Variants in LRRC4C observed in about 807,000 individuals in gnomAD.
The protein encoded by LRRC4C is leucine-rich repeat-containing protein 4C.
Under a neutral mutation model 33.6 loss-of-function variants are expected in LRRC4C, and 5 were observed. The observed-to-expected ratio is 0.15, with a 90% CI of 0.08 to 0.31. The LOEUF is 0.31. LRRC4C is among the 10% of genes least tolerant of loss of function. LRRC4C has a pLI of 1.00. For synonymous variants in LRRC4C, 329 were observed against 302.0 expected (o/e 1.09, Z -0.93); for missense variants, 560 against 796.7 (o/e 0.70, Z 3.58).
chr11:41,372,357 A>G (rs1400777520), intron 1 of LRRC4C, among the ~76,000 whole-genome samples: 1 of 152,236 alleles, frequency 6.6e-6, no homozygotes, highest in African/African-American at 2.4e-5. Context: ...GCCTTCTGAA[A>G]TAACTATTAC....
intron 1 of LRRC4C, among the ~76,000 whole-genome samples, chr11:41,277,447 CT>C (rs1949520063): frequency 6.6e-6 from 1 of 152,094 alleles, no homozygotes; most frequent in Non-Finnish European, 1.5e-5. Context: ...AAATAATGAA[CT>C]ATTGGAAAAT....
At chr11:40,661,779 T>C (rs1943451803) in intron 2 of LRRC4C, among the ~76,000 whole-genome samples, 1 of 152,228 alleles carries the variant, frequency 6.6e-6, no homozygotes, top group East Asian at 1.9e-4. Flanking sequence ...ATATGCTCTA[T>C]TGGGAAAGAT....
chr11:41,247,610 G>C, intron 1 of LRRC4C, among the ~76,000 whole-genome samples: 1 of 152,138 alleles, frequency 6.6e-6, no homozygotes, highest in Admixed American at 6.5e-5. Flanking sequence ...ACTAAAGTTT[G>C]AAAAAGCAAG....
intron 1 of LRRC4C, among the ~76,000 whole-genome samples, chr11:40,942,198 A>G (rs1958183769): frequency 6.6e-6 from 1 of 152,150 alleles, no homozygotes; most frequent in Non-Finnish European, 1.5e-5. Flanking sequence ...CCTATGTTTT[A>G]TAAGAATGGG....
intron 1 of LRRC4C, among the ~76,000 whole-genome samples, chr11:41,163,349 T>C (rs1381983741): frequency 7.5e-6 from 1 of 132,794 alleles, no homozygotes; most frequent in Non-Finnish European, 1.5e-5. Context: ...AGTGGCGCAA[T>C]CTCTGCTCAC....
intron 1 of LRRC4C, among the ~76,000 whole-genome samples, chr11:41,249,863 C>T (rs902040192): frequency 6.6e-6 from 1 of 152,056 alleles, no homozygotes; most frequent in African/African-American, 2.4e-5. Flanking sequence ...GCTATCTTCC[C>T]CAACTAAATA....
chr11:41,224,853 T>C (rs1024064473), intron 1 of LRRC4C, among the ~76,000 whole-genome samples: 1 of 152,152 alleles, frequency 6.6e-6, no homozygotes, highest in East Asian at 1.9e-4. Context: ...CTGTTTACAA[T>C]AGCCAAGATT....
intron 6 of LRRC4C, among the ~76,000 whole-genome samples, chr11:40,123,206 A>G (rs1029621994): frequency 6.6e-6 from 1 of 152,136 alleles, no homozygotes; most frequent in Non-Finnish European, 1.5e-5. Context: ...CTGTGCTCCA[A>G]TAATACTATT....
intron 1 of LRRC4C, among the ~76,000 whole-genome samples, chr11:41,173,488 G>T (rs1049380579): frequency 1.3e-5 from 2 of 152,084 alleles, no homozygotes; most frequent in African/African-American, 4.8e-5. Flanking sequence ...TCCTCAAAAT[G>T]GGCCTAGCCA....
At chr11:41,366,096 G>T (rs954079326) in intron 1 of LRRC4C, among the ~76,000 whole-genome samples, 7 of 151,782 alleles carry the variant, frequency 4.6e-5, no homozygotes, top group Non-Finnish European at 1.0e-4. Flanking sequence ...CTTCAAACTA[G>T]CTGGTAGAAA....
intron 1 of LRRC4C, among the ~76,000 whole-genome samples, chr11:41,450,734 C>T (rs185558059): frequency 6.1e-4 from 93 of 152,234 alleles, no homozygotes; most frequent in African/African-American, 1.5e-3. Context: ...AGGCTCTCTA[C>T]GGGGCTCCAA....
At chr11:41,352,405 C>T (rs1952014317) in intron 1 of LRRC4C, among the ~76,000 whole-genome samples, 2 of 151,996 alleles carry the variant, frequency 1.3e-5, no homozygotes, top group South Asian at 4.2e-4. Context: ...CACAGATAAC[C>T]ACAGAATAAC....
chr11:40,711,168 C>T (rs1257819952), intron 2 of LRRC4C, among the ~76,000 whole-genome samples: 1 of 152,202 alleles, frequency 6.6e-6, no homozygotes, highest in Non-Finnish European at 1.5e-5. Flanking sequence ...TGACGCCCTG[C>T]TCTGTTTTGG....
chr11:40,832,322 G>A (rs1428330063), intron 2 of LRRC4C, among the ~76,000 whole-genome samples: 1 of 152,096 alleles, frequency 6.6e-6, no homozygotes, highest in African/African-American at 2.4e-5. Flanking sequence ...TGTGGTGCAT[G>A]CCTGTATAAA....
chr11:41,104,186 T>C (rs754872023), intron 1 of LRRC4C, among the ~76,000 whole-genome samples: 8 of 151,756 alleles, frequency 5.3e-5, no homozygotes, highest in Non-Finnish European at 1.0e-4. Flanking sequence ...CAGGAGAAAA[T>C]ATATACAAAC....
chr11:40,141,310 C>T (rs1322939347), intron 5 of LRRC4C, among the ~76,000 whole-genome samples: 1 of 152,124 alleles, frequency 6.6e-6, no homozygotes, highest in Non-Finnish European at 1.5e-5. Context: ...TGCCCACCAC[C>T]AACACCACAT....
chr11:40,770,172 G>T (rs1292722952), intron 2 of LRRC4C, among the ~76,000 whole-genome samples: 1 of 152,168 alleles, frequency 6.6e-6, no homozygotes, highest in Non-Finnish European at 1.5e-5. Context: ...AAGGAAAAAG[G>T]TTTAATTGAC....
intron 2 of LRRC4C, among the ~76,000 whole-genome samples, chr11:40,711,979 C>T (rs1193499157): frequency 6.6e-6 from 1 of 151,994 alleles, no homozygotes; most frequent in African/African-American, 2.4e-5. Context: ...AAGCTAAAAC[C>T]CTTAAACTAA....
chr11:40,746,987 C>A (rs2136952480), intron 2 of LRRC4C, among the ~76,000 whole-genome samples: 1 of 152,322 alleles, frequency 6.6e-6, no homozygotes, highest in South Asian at 2.1e-4. Flanking sequence ...TTCCCTTTAG[C>A]CTGGCCATTG....
Sources: allele counts gnomAD v4.1 joint callset (sites outside exome capture counted in the v4.1 genomes callset), GRCh38; gene constraint gnomAD v4.1.1; transcripts MANE v1.5; gene names NCBI Gene and HGNC (gene_info 2026-07-23, HGNC 2026-07-21).